The following STX6 variants were observed in gnomAD, a reference collection of about 807,000 sequenced individuals.
STX6 encodes the protein syntaxin 6, also known as syntaxin-6.
In STX6, 23 loss-of-function variants were observed where a neutral mutation model predicts 38.0. That is an observed-to-expected ratio of 0.60 (90% CI 0.43 to 0.86). The LOEUF is 0.86. Ranked by LOEUF, STX6 falls within the 40% of genes least tolerant of loss-of-function variation. The probability of loss-of-function intolerance (pLI) is 0.00; values close to 1 mark genes in which losing one functional copy is unlikely to be tolerated. For missense variants in STX6, 274 were observed against 312.9 expected (o/e 0.88, Z 0.94); for synonymous variants, 123 against 107.5 (o/e 1.14, Z -0.89).
At chr1:181,015,555 C>A (rs1037378136) in intron 1 of STX6, among the ~76,000 whole-genome samples, 3 of 152,194 alleles carry the variant, frequency 2.0e-5, no homozygotes, top group Admixed American at 2.0e-4. Flanking sequence ...AAATAAGAGA[C>A]CTTGGGGCTC....
At chr1:181,007,977 A>G (rs1656276158) in intron 1 of STX6, among the ~76,000 whole-genome samples, 1 of 152,234 alleles carries the variant, frequency 6.6e-6, no homozygotes, top group African/African-American at 2.4e-5. Flanking sequence ...GTCTGTGGAC[A>G]TACATTTTGG....
intron 6 of STX6, 118 bp downstream of exon 6, chr1:180,988,121 T>C: frequency 1.5e-6 from 1 of 674,166 alleles, no homozygotes; most frequent in Non-Finnish European, 2.6e-6. Context: ...AAAATGCAGC[T>C]ATGAATAAAA....
At chr1:180,977,740 T>C (rs1347169648) in intron 7 of STX6, among the ~76,000 whole-genome samples, 1 of 152,238 alleles carries the variant, frequency 6.6e-6, no homozygotes, top group African/African-American at 2.4e-5. Context: ...TTTAGCACAC[T>C]ATAGTTATTG....
At chr1:180,983,980 C>T (rs959890478) in intron 7 of STX6, among the ~76,000 whole-genome samples, 2 of 134,056 alleles carry the variant, frequency 1.5e-5, no homozygotes, top group East Asian at 2.4e-4. Flanking sequence ...AGGAGAATGG[C>T]GTGAACCTGG....
intron 1 of STX6, among the ~76,000 whole-genome samples, chr1:181,019,989 C>T (rs950590630): frequency 1.3e-5 from 2 of 151,830 alleles, no homozygotes; most frequent in Admixed American, 1.3e-4. Flanking sequence ...GGTGAAACCC[C>T]GTCTCTACTA....
At chr1:180,992,528 A>AAG in intron 4 of STX6, among the ~76,000 whole-genome samples, 1 of 152,354 alleles carries the variant, frequency 6.6e-6, no homozygotes, top group Non-Finnish European at 1.5e-5. Flanking sequence ...AGCAAATAGT[A>AAG]TCATTTTTCA....
intron 4 of STX6, 120 bp from the exon 5 acceptor site, chr1:180,990,229 A>G: frequency 7.5e-7 from 1 of 1,333,988 alleles, no homozygotes; most frequent in Admixed American, 2.2e-5. Flanking sequence ...TCCCCTGGGC[A>G]AGGCTTTTAT....
chr1:180,974,521 T>A lies in STX6; in HGVS notation c.*2049A>T, dbSNP rs1214749016. On this transcript the variant is annotated 3_prime_UTR_variant, in exon 8 of 8. Coordinates refer to ENST00000258301, the MANE Select transcript of STX6 (RefSeq NM_005819.6). ...AAACGGCCCCTGCTGACACACATGA[T>A]CCTTTTGTGTGGCACAATAAATCTG... 1.3e-5 allele frequency: 2 copies of A among 152,626 alleles called. No homozygotes were observed. Among genetic ancestry groups the A allele is most frequent in the Non-Finnish European group, 2.9e-5 (2 of 68,030 alleles). 9.5% of individuals were successfully genotyped at this position (152,626 alleles called of 1,614,324 possible).
intron 7 of STX6, among the ~76,000 whole-genome samples, chr1:180,983,666 G>T (rs962676066): frequency 6.6e-6 from 1 of 152,172 alleles, no homozygotes; most frequent in African/African-American, 2.4e-5. Flanking sequence ...ATGTTCAGGA[G>T]AAACAGTAAC....
intron 2 of STX6, 42 bp downstream of exon 2, chr1:181,005,252 T>C (rs1046177940): frequency 6.4e-7 from 1 of 1,566,230 alleles, no homozygotes; most frequent in Non-Finnish European, 8.7e-7. Flanking sequence ...TGTCCATTTG[T>C]CTATTTATCC....
chr1:181,012,718 T>G (rs1656440411), intron 1 of STX6, among the ~76,000 whole-genome samples: 1 of 142,886 alleles, frequency 7.0e-6, no homozygotes, highest in Non-Finnish European at 1.5e-5. Flanking sequence ...CTTGTTGCCC[T>G]GGCTGGAGTA....
chr1:181,000,440 A>G (rs1302514628), intron 3 of STX6, among the ~76,000 whole-genome samples: 1 of 152,216 alleles, frequency 6.6e-6, no homozygotes, highest in Non-Finnish European at 1.5e-5. Context: ...GTGACAGAGC[A>G]AAGTGGGAAG....
chr1:180,988,651 C>T (rs574191229), intron 5 of STX6: 7 of 263,710 alleles, frequency 2.7e-5, no homozygotes, highest in African/African-American at 6.8e-5. Context: ...TGAAAGCACA[C>T]GTGCAGATGA....
At chr1:181,014,403 A>AT (rs1173242559) in intron 1 of STX6, among the ~76,000 whole-genome samples, 1 of 151,988 alleles carries the variant, frequency 6.6e-6, no homozygotes, top group Non-Finnish European at 1.5e-5. Context: ...CAAAAAAAAA[A>AT]AAGAAAAAAA....
intron 3 of STX6, among the ~76,000 whole-genome samples, chr1:180,996,200 C>G (rs919619270): frequency 6.6e-6 from 1 of 150,890 alleles, no homozygotes; most frequent in Non-Finnish European, 1.5e-5. Context: ...AAAATAGATA[C>G]AAAAAAAGAC....
chr1:181,009,178 TA>T (rs1656323206), intron 1 of STX6, among the ~76,000 whole-genome samples: 1 of 152,114 alleles, frequency 6.6e-6, no homozygotes, highest in African/African-American at 2.4e-5. Context: ...AAAACCCAAT[TA>T]AACAAAGCCA....
chr1:181,012,764 TC>T (rs1319518169), intron 1 of STX6, among the ~76,000 whole-genome samples: 4 of 141,790 alleles, frequency 2.8e-5, no homozygotes, highest in Non-Finnish European at 4.5e-5. Flanking sequence ...AACCTCCGCC[TC>T]CCAGGTTCAA....
intron 1 of STX6, among the ~76,000 whole-genome samples, chr1:181,013,371 T>C (rs1271637567): frequency 1.3e-5 from 2 of 152,158 alleles, no homozygotes; most frequent in Admixed American, 6.6e-5. Flanking sequence ...CAGGCTGGAG[T>C]GCAGTGGTGC....
intron 1 of STX6, among the ~76,000 whole-genome samples, chr1:181,017,907 A>G (rs1656609728): frequency 6.6e-6 from 1 of 152,204 alleles, no homozygotes; most frequent in Admixed American, 6.5e-5. Context: ...CCAGGAATAC[A>G]GGCTATGAAA....
Sources: gnomAD v4.1 joint callset for allele counts (sites outside exome capture counted in the v4.1 genomes callset) on GRCh38, gnomAD v4.1.1 for gene constraint, MANE v1.5 for transcripts, NCBI Gene and HGNC (gene_info 2026-07-23, HGNC 2026-07-21) for gene names.